The following ZC3H12B variants were observed in gnomAD, a reference collection of about 807,000 sequenced individuals.
ZC3H12B encodes probable ribonuclease ZC3H12B.
In ZC3H12B, 7 loss-of-function variants were observed where a neutral mutation model predicts 43.9. The ratio of observed to expected loss-of-function variants is 0.16; its 90% CI spans 0.09 to 0.30. The LOEUF is 0.30. ZC3H12B is among the 10% of genes least tolerant of loss of function. The probability of loss-of-function intolerance (pLI) is 1.00; values close to 1 mark genes in which losing one functional copy is unlikely to be tolerated. For synonymous variants in ZC3H12B, 222 were observed against 241.7 expected, an observed-to-expected ratio of 0.92 and a Z score of 0.76; for missense variants, 475 against 670.2, an observed-to-expected ratio of 0.71 and a Z score of 3.22.
At chrX:65,193,264 T>A in the ZC3H12B span, among the ~76,000 whole-genome samples, 7 of 111,251 alleles carry the variant, frequency 6.3e-5, no homozygotes, top group Non-Finnish European at 1.1e-4. Context: ...TTTGGTGAGA[T>A]TCAGCAGTGA....
chrX:65,483,962 A>G (rs965387575), upstream of ZC3H12B, among the ~76,000 whole-genome samples: 3 of 111,848 alleles, frequency 2.7e-5, no homozygotes, highest in Admixed American at 9.6e-5. Flanking sequence ...ATAGTATTCC[A>G]TGGTATATAT....
At chrX:65,452,841 A>AACACACACACACACACAC (rs111853414) in intron 3 of ZC3H12B, among the ~76,000 whole-genome samples, 76 of 92,253 alleles carry the variant, frequency 8.2e-4, no homozygotes, top group African/African-American at 3.1e-3. Context: ...ACTCCATCTA[A>AACACACACACACACACAC]ACACACACAC....
chrX:65,093,730 C>G, the ZC3H12B span, among the ~76,000 whole-genome samples: 1 of 111,960 alleles, frequency 8.9e-6, no homozygotes, highest in African/African-American at 3.2e-5. Context: ...TTTGAAATAA[C>G]TAATTTGCTT....
the ZC3H12B span, among the ~76,000 whole-genome samples, chrX:65,295,151 G>A: frequency 1.8e-5 from 2 of 111,147 alleles, no homozygotes; most frequent in South Asian, 3.7e-4. Context: ...ATGATATTAA[G>A]TATTGTCAGA....
chrX:65,057,244 G>A, the ZC3H12B span, among the ~76,000 whole-genome samples: 4 of 111,739 alleles, frequency 3.6e-5, no homozygotes, highest in South Asian at 1.1e-3. Flanking sequence ...TCTATGTTTA[G>A]TGCTTCCTTC....
At chrX:65,177,475 G>A in the ZC3H12B span, among the ~76,000 whole-genome samples, 4 of 112,202 alleles carry the variant, frequency 3.6e-5, no homozygotes, top group East Asian at 1.1e-3. Context: ...AGTAGGAAGA[G>A]AAGAAGTCAA....
the ZC3H12B span, among the ~76,000 whole-genome samples, chrX:65,171,595 A>G: frequency 9.0e-6 from 1 of 111,632 alleles, no homozygotes; most frequent in Non-Finnish European, 1.9e-5. Context: ...TTAAGTCTGC[A>G]GAAGTTTCTG....
chrX:65,096,613 AAG>A, the ZC3H12B span, among the ~76,000 whole-genome samples: 7 of 111,448 alleles, frequency 6.3e-5, no homozygotes, highest in Non-Finnish European at 1.1e-4. Flanking sequence ...GAAAAGCAAA[AAG>A]AAGAAACATT....
the ZC3H12B span, among the ~76,000 whole-genome samples, chrX:65,172,524 A>G: frequency 3.6e-5 from 4 of 111,391 alleles, no homozygotes; most frequent in African/African-American, 1.3e-4. Flanking sequence ...CCTGTATGGT[A>G]TTAAGTTTTC....
At chrX:65,072,658 C>T in the ZC3H12B span, among the ~76,000 whole-genome samples, 1 of 111,870 alleles carries the variant, frequency 8.9e-6, no homozygotes, top group Non-Finnish European at 1.9e-5. Context: ...GGGCAGGGCT[C>T]ACTCTGATGG....
chrX:65,103,517 A>G, the ZC3H12B span, among the ~76,000 whole-genome samples: 1 of 112,044 alleles, frequency 8.9e-6, no homozygotes, highest in Non-Finnish European at 1.9e-5. Flanking sequence ...TACTAAGATG[A>G]CAGGATTAAG....
intron 3 of ZC3H12B, among the ~76,000 whole-genome samples, chrX:65,451,907 G>A (rs780447644): frequency 3.7e-4 from 42 of 112,068 alleles, no homozygotes; most frequent in African/African-American, 1.4e-3. Context: ...AGTACAACAA[G>A]CCACTGAGCT....
chrX:65,325,637 G>A, the ZC3H12B span, among the ~76,000 whole-genome samples: 3 of 111,072 alleles, frequency 2.7e-5, no homozygotes, highest in Non-Finnish European at 5.7e-5. Context: ...CCATGTTTAT[G>A]GATTTGAAGA....
chrX:65,246,711 G>T, the ZC3H12B span, among the ~76,000 whole-genome samples: 1 of 112,125 alleles, frequency 8.9e-6, no homozygotes, highest in African/African-American at 3.2e-5. Flanking sequence ...ATATGCAGAA[G>T]ATTGAAACTG....
chrX:65,068,909 G>GT, the ZC3H12B span, among the ~76,000 whole-genome samples: 1,388 of 102,410 alleles, frequency 0.014, 8 homozygotes, highest in Middle Eastern at 0.025. Flanking sequence ...TAGGTTAAAA[G>GT]TTTTTTTTTT....
intron 3 of ZC3H12B, among the ~76,000 whole-genome samples, chrX:65,405,423 C>T (rs754564974): frequency 7.2e-5 from 8 of 111,754 alleles, no homozygotes; most frequent in African/African-American, 2.3e-4. Flanking sequence ...AGTTTGAGAC[C>T]AGCCTGGCCA....
the ZC3H12B span, among the ~76,000 whole-genome samples, chrX:65,229,388 A>G: frequency 9.2e-6 from 1 of 108,831 alleles, no homozygotes; most frequent in Non-Finnish European, 1.9e-5. Context: ...TCAATTCAAG[A>G]TGGATTAAAG....
chrX:65,185,332 T>A, the ZC3H12B span: 2 of 112,022 alleles, frequency 1.8e-5, no homozygotes, highest in Non-Finnish European at 3.8e-5. Context: ...AGAATGGAAC[T>A]TGTATGTGGT....
the ZC3H12B span, among the ~76,000 whole-genome samples, chrX:65,045,862 G>T: frequency 1.8e-5 from 2 of 111,887 alleles, no homozygotes; most frequent in East Asian, 5.6e-4. Flanking sequence ...ACCGCAGAAG[G>T]GATGTTATGT....
Sources: allele counts gnomAD v4.1 joint callset (sites outside exome capture counted in the v4.1 genomes callset), GRCh38; gene constraint gnomAD v4.1.1; transcripts MANE v1.5; gene names NCBI Gene and HGNC (gene_info 2026-07-23, HGNC 2026-07-21).